Variants in PTPRK observed in about 807,000 individuals in gnomAD.
PTPRK encodes receptor-type tyrosine-protein phosphatase kappa.
A neutral mutation model predicts 178.0 loss-of-function variants in PTPRK; 75 were observed. The observed-to-expected ratio is 0.42, with a 90% confidence interval of 0.35 to 0.51. The LOEUF (loss-of-function observed/expected upper bound fraction) is 0.51. PTPRK is among the 20% of genes least tolerant of loss of function. The pLI, the probability that PTPRK is intolerant of heterozygous loss-of-function variation, is 0.02. For missense variants in PTPRK, 1,441 were observed against 1,797.8 expected, an observed-to-expected ratio of 0.80 and a Z score of 3.59; for synonymous variants, 637 against 620.6, an observed-to-expected ratio of 1.03 and a Z score of -0.39.
chr6:128,111,530 C>A (rs1790659048), intron 7 of PTPRK, among the ~76,000 whole-genome samples: 1 of 152,152 alleles, frequency 6.6e-6, no homozygotes, highest in African/African-American at 2.4e-5. Context: ...TGCTATTTTA[C>A]ATCATTTTTC....
chr6:128,259,603 T>C (rs2128292883), intron 3 of PTPRK, among the ~76,000 whole-genome samples: 1 of 152,314 alleles, frequency 6.6e-6, no homozygotes, highest in South Asian at 2.1e-4. Flanking sequence ...ATTTCTTCAA[T>C]GATTTCGTTA....
chr6:128,059,282 T>G (rs1780428294), intron 13 of PTPRK, among the ~76,000 whole-genome samples: 1 of 152,146 alleles, frequency 6.6e-6, no homozygotes, highest in Non-Finnish European at 1.5e-5. Flanking sequence ...TGGTGTGCCA[T>G]CCCATTAATT....
At chr6:128,392,900 C>A (rs781409375) in intron 2 of PTPRK, among the ~76,000 whole-genome samples, 3 of 152,004 alleles carry the variant, frequency 2.0e-5, no homozygotes, top group Non-Finnish European at 4.4e-5. Context: ...AATCTCAACT[C>A]AATATAATGT....
At chr6:128,136,515 G>A (rs757278699) in intron 7 of PTPRK, among the ~76,000 whole-genome samples, 59 of 152,174 alleles carry the variant, frequency 3.9e-4, no homozygotes, top group Admixed American at 1.8e-3. Context: ...AGTTGTATAA[G>A]GGTATATTTC....
rs190342642 is a variant in PTPRK at position 128,078,175 on chromosome 6, C to T, written c.1883+638G>A. Among the ~76,000 whole-genome samples the T allele has an allele frequency of 2.6e-5, 4 of 152,052 alleles. No homozygotes were observed. The East Asian group carries it at 7.7e-4, about 29-fold the overall frequency. Reference sequence around the variant, plus strand: ...ACTAGAGGGGGGAAAAAGGCCAATGCTCTTAAGTCAAACTGCACAGAGAGG... The same window carrying T: ...ACTAGAGGGGGGAAAAAGGCCAATGTTCTTAAGTCAAACTGCACAGAGAGG... On this transcript the variant is annotated intron_variant, in intron 11 of 29. Coordinates refer to ENST00000368226, the MANE Select transcript of PTPRK (RefSeq NM_002844.4).
At chr6:128,066,447 C>A (rs1219346918) in intron 12 of PTPRK, among the ~76,000 whole-genome samples, 1 of 151,952 alleles carries the variant, frequency 6.6e-6, no homozygotes, top group African/African-American at 2.4e-5. Context: ...CAATCAATAC[C>A]CAAAGCTCTC....
chr6:128,091,025 G>C (rs1277269659), intron 7 of PTPRK, among the ~76,000 whole-genome samples: 2 of 152,056 alleles, frequency 1.3e-5, no homozygotes, highest in Non-Finnish European at 2.9e-5. Flanking sequence ...TAAAATCACA[G>C]TTCTGTAAAA....
At chr6:128,419,074 T>C (rs1843160332) in intron 1 of PTPRK, among the ~76,000 whole-genome samples, 1 of 152,204 alleles carries the variant, frequency 6.6e-6, no homozygotes, top group Non-Finnish European at 1.5e-5. Context: ...GTAATTCAAA[T>C]GAAGTATAAA....
intron 21 of PTPRK, among the ~76,000 whole-genome samples, chr6:127,986,315 C>T (rs570956150): frequency 5.9e-5 from 9 of 152,292 alleles, no homozygotes; most frequent in African/African-American, 1.9e-4. Context: ...CTTGCTTATC[C>T]ATGTTGAAAA....
intron 3 of PTPRK, among the ~76,000 whole-genome samples, chr6:128,272,015 T>C (rs1246631839): frequency 2.0e-5 from 3 of 152,024 alleles, no homozygotes; most frequent in Non-Finnish European, 4.4e-5. Context: ...TTGTAACAGA[T>C]TTATCCACAT....
intron 7 of PTPRK, among the ~76,000 whole-genome samples, chr6:128,100,108 T>A (rs1455066511): frequency 6.6e-6 from 1 of 151,786 alleles, no homozygotes; most frequent in Non-Finnish European, 1.5e-5. Flanking sequence ...GTAAACACAG[T>A]GAAAATGTGA....
intron 4 of PTPRK, among the ~76,000 whole-genome samples, chr6:128,240,852 T>A (rs1043835356): frequency 1.3e-5 from 2 of 152,218 alleles, no homozygotes; most frequent in Non-Finnish European, 2.9e-5. Flanking sequence ...CCTCTGAAAC[T>A]ACCTTTTAAA....
At chr6:128,322,691 C>CAA (rs1828988991) in intron 2 of PTPRK, among the ~76,000 whole-genome samples, 1 of 137,234 alleles carries the variant, frequency 7.3e-6, no homozygotes, top group African/African-American at 2.8e-5. Flanking sequence ...TGTATACACA[C>CAA]ATACACAAAA....
At chr6:128,466,970 G>A (rs1245740267) in intron 1 of PTPRK, among the ~76,000 whole-genome samples, 1 of 152,116 alleles carries the variant, frequency 6.6e-6, no homozygotes, top group African/African-American at 2.4e-5. Flanking sequence ...GAGGATTAAA[G>A]AAAATTATGC....
At chr6:128,333,266 T>C (rs1584214729) in intron 2 of PTPRK, among the ~76,000 whole-genome samples, 1 of 152,196 alleles carries the variant, frequency 6.6e-6, no homozygotes, top group East Asian at 1.9e-4. Context: ...ACTTCAACAC[T>C]GTTAAACATT....
chr6:128,462,823 T>A (rs1422563880), intron 1 of PTPRK, among the ~76,000 whole-genome samples: 1 of 151,470 alleles, frequency 6.6e-6, no homozygotes, highest in Non-Finnish European at 1.5e-5. Context: ...ACCCAGCTAA[T>A]TTTTTGTATT....
chr6:128,054,639 C>T lies in PTPRK; in HGVS notation c.2194+10119G>A, dbSNP rs1779599010. On this transcript the variant is annotated intron_variant, in intron 13 of 29. Coordinates refer to ENST00000368226, the MANE Select transcript of PTPRK (RefSeq NM_002844.4). ...TTTGCAGTGGGACACAAGCATTGCT[C>T]ACTACACTTTTCCAGCCACTTTGTC... 1.3e-5 allele frequency among the ~76,000 whole-genome samples: 2 copies of T among 151,372 alleles called. 1 individual carries two copies. The highest frequency in any genetic ancestry group is 4.1e-4 in the South Asian group (2 of 4,830).
intron 3 of PTPRK, among the ~76,000 whole-genome samples, chr6:128,276,584 T>C (rs1273470622): frequency 1.3e-5 from 2 of 152,154 alleles, no homozygotes; most frequent in Admixed American, 6.6e-5. Context: ...GGCTTTAAGC[T>C]TTCTGGCAAT....
intron 2 of PTPRK, among the ~76,000 whole-genome samples, chr6:128,376,059 C>T (rs1013839670): frequency 1.3e-5 from 2 of 152,086 alleles, no homozygotes; most frequent in Non-Finnish European, 2.9e-5. Context: ...TCCAGGCACA[C>T]AATGCAAGCT....
Sources: allele counts gnomAD v4.1 joint callset (sites outside exome capture counted in the v4.1 genomes callset), GRCh38; gene constraint gnomAD v4.1.1; transcripts MANE v1.5; gene names NCBI Gene and HGNC (gene_info 2026-07-23, HGNC 2026-07-21).